GALNT18: variants seen among roughly 807,000 people sequenced by gnomAD.
GALNT18 encodes GalNAc-transferase 18.
GALNT18 carries 44 observed loss-of-function variants against 69.5 expected under a neutral mutation model. That is an observed-to-expected ratio of 0.63 (90% CI 0.50 to 0.81). The LOEUF is 0.81. GALNT18 is among the 40% of genes least tolerant of loss of function. The probability of loss-of-function intolerance (pLI) is 0.00; values close to 1 mark genes in which losing one functional copy is unlikely to be tolerated. For missense variants in GALNT18, 715 were observed against 810.0 expected, an observed-to-expected ratio of 0.88 and a Z score of 1.42; for synonymous variants, 364 against 318.2, an observed-to-expected ratio of 1.14 and a Z score of -1.53.
chr11:11,614,821 T>C lies in GALNT18; in HGVS notation c.235+6538A>G, dbSNP rs758042820. The stretch of plus-strand genomic sequence containing the variant: ...TTGAGATTCTCCACCAACCTACTTA[T>C]CAAGGGAAAATAACAATTTATGTCA... On this transcript the variant is annotated intron_variant, in intron 1 of 10. Coordinates refer to ENST00000227756, the MANE Select transcript of GALNT18 (RefSeq NM_198516.3). This position sits in a 1 kb window ranked among gnomAD's most constrained non-coding sequence, Gnocchi z 5.6. Among the ~76,000 whole-genome samples, 1 of 152,192 alleles carries C rather than the reference T, an allele frequency of 6.6e-6. No individual in the cohort carries two copies. The highest frequency in any genetic ancestry group is 1.5e-5 in the Non-Finnish European group (1 of 68,036).
chr11:11,425,826 G>A (rs1224373152), intron 3 of GALNT18, among the ~76,000 whole-genome samples: 1 of 152,216 alleles, frequency 6.6e-6, no homozygotes, highest in Admixed American at 6.5e-5. Context: ...AAAACCTGTT[G>A]AAGGACTGAA....
At chr11:11,323,707 T>G (rs1461965585) in intron 9 of GALNT18, among the ~76,000 whole-genome samples, 1 of 152,250 alleles carries the variant, frequency 6.6e-6, no homozygotes, top group African/African-American at 2.4e-5. Context: ...TATGGTCCTA[T>G]GTACTCCAAG....
chr11:11,532,363 G>A (rs2133943796), intron 1 of GALNT18, among the ~76,000 whole-genome samples: 1 of 152,302 alleles, frequency 6.6e-6, no homozygotes, highest in East Asian at 1.9e-4. Flanking sequence ...CCAGGGCTCA[G>A]AGTCTTCGGA....
intron 1 of GALNT18, among the ~76,000 whole-genome samples, chr11:11,473,040 G>A (rs1420240468): frequency 6.6e-6 from 1 of 151,966 alleles, no homozygotes; most frequent in Non-Finnish European, 1.5e-5. Flanking sequence ...GGAGGCAGGG[G>A]TGCCATCCAC....
At chr11:11,434,235 A>G (rs1443135503) in intron 2 of GALNT18, among the ~76,000 whole-genome samples, 4 of 152,164 alleles carry the variant, frequency 2.6e-5, no homozygotes, top group Non-Finnish European at 5.9e-5. Context: ...CTCTCGCCAG[A>G]GAGGAATGGG....
At chr11:11,342,615 C>T (rs1589921600) in intron 6 of GALNT18, among the ~76,000 whole-genome samples, 1 of 152,300 alleles carries the variant, frequency 6.6e-6, no homozygotes, top group East Asian at 1.9e-4. Context: ...GCTTGTTTTG[C>T]CTTGAGTTTA....
intron 1 of GALNT18, among the ~76,000 whole-genome samples, chr11:11,451,701 G>C (rs934744051): frequency 6.6e-6 from 1 of 152,220 alleles, no homozygotes; most frequent in African/African-American, 2.4e-5. Context: ...TGGACTGCCA[G>C]CTCCTAGCAC....
chr11:11,414,546 G>A (rs1389520569), intron 3 of GALNT18, among the ~76,000 whole-genome samples: 2 of 152,058 alleles, frequency 1.3e-5, no homozygotes, highest in Non-Finnish European at 2.9e-5. Context: ...AAGCTCAGAG[G>A]GGCCTTCTCC....
chr11:11,324,653 AT>A (rs35306479), intron 9 of GALNT18, among the ~76,000 whole-genome samples: 22,868 of 152,058 alleles, frequency 0.15, 1,896 homozygotes, highest in Non-Finnish European at 0.18. Context: ...TTCCCTGATG[AT>A]TAGTGATGTA....
chr11:11,502,407 G>A lies in GALNT18; in HGVS notation c.236-53471C>T, dbSNP rs145241777. Among the ~76,000 whole-genome samples the A allele has an allele frequency of 2.9e-3, 441 of 152,316 alleles. 2 individuals are homozygous for A. The highest frequency in any genetic ancestry group is 0.01 in the African/African-American group (428 of 41,574). ...AGAGGCCCTGGTTCCCTCTGGGGAA[G>A]GACTGCTCAGAAACACAGACAAGAG... On this transcript the variant is annotated intron_variant, in intron 1 of 10. Transcript: ENST00000227756.
Position 11,604,261 on chromosome 11 carries a change from C to T in GALNT18, c.235+17098G>A, listed in dbSNP as rs1044873784. On this transcript the variant is annotated intron_variant, in intron 1 of 10. Transcript: ENST00000227756. This position sits in a 1 kb window ranked among gnomAD's most constrained non-coding sequence, Gnocchi z 5.6. ...TTGGTTTGGTTAGTAAGTTAAAAATCCATTAAGAGCATTATTGAATGTCTT... is the reference window on the plus strand; with the variant it reads ...TTGGTTTGGTTAGTAAGTTAAAAATTCATTAAGAGCATTATTGAATGTCTT... Among the ~76,000 whole-genome samples, 25 of 152,212 alleles carry T rather than the reference C, an allele frequency of 1.6e-4. No individual in the cohort carries two copies. The highest frequency in any genetic ancestry group is 5.8e-4 in the African/African-American group (24 of 41,446).
chr11:11,556,311 T>G (rs767090899), intron 1 of GALNT18, among the ~76,000 whole-genome samples: 9 of 152,196 alleles, frequency 5.9e-5, no homozygotes, highest in Non-Finnish European at 7.3e-5. Context: ...TAGAATTGTA[T>G]AGAACACACC....
intron 1 of GALNT18, among the ~76,000 whole-genome samples, chr11:11,455,302 A>G (rs1443856627): frequency 6.6e-6 from 1 of 152,156 alleles, no homozygotes; most frequent in South Asian, 2.1e-4. Flanking sequence ...AAATATATAG[A>G]GAATGTAAAC....
chr11:11,361,227 A>T (rs1850638722), intron 6 of GALNT18, among the ~76,000 whole-genome samples: 1 of 152,226 alleles, frequency 6.6e-6, no homozygotes, highest in African/African-American at 2.4e-5. Flanking sequence ...CTTACTGAAG[A>T]CCACAACGCT....
chr11:11,555,738 C>A lies in GALNT18; in HGVS notation c.235+65621G>T, dbSNP rs964852303. 1.3e-5 allele frequency among the ~76,000 whole-genome samples: 2 copies of A among 152,182 alleles called. No individual in the cohort carries two copies. Among genetic ancestry groups the A allele is most frequent in the African/African-American group, 4.8e-5 (2 of 41,458 alleles). ...CCTGCAAGGGTGCACCTCCCTCAGCCAGAACCTCCTCAGATCAGGGGCCTC... is the reference window on the plus strand; with the variant it reads ...CCTGCAAGGGTGCACCTCCCTCAGCAAGAACCTCCTCAGATCAGGGGCCTC... On this transcript the variant is annotated intron_variant, in intron 1 of 10. Coordinates refer to ENST00000227756, the MANE Select transcript of GALNT18 (RefSeq NM_198516.3). This position sits in a 1 kb window ranked among gnomAD's most constrained non-coding sequence, Gnocchi z 4.7.
intron 9 of GALNT18, among the ~76,000 whole-genome samples, chr11:11,305,239 T>C (rs1188927510): frequency 6.6e-6 from 1 of 152,146 alleles, no homozygotes; most frequent in Non-Finnish European, 1.5e-5. Context: ...AGATGCAGAG[T>C]GTGCCTTTTT....
chr11:11,393,715 G>T (rs1854251195), intron 3 of GALNT18, among the ~76,000 whole-genome samples: 1 of 152,234 alleles, frequency 6.6e-6, no homozygotes, highest in Non-Finnish European at 1.5e-5. Context: ...CCCAGGAGCT[G>T]CCCTCCAAAG....
rs1462961022 is a variant in GALNT18, at chr11:11,523,494, T to C, written c.236-74558A>G. Among the ~76,000 whole-genome samples the C allele has an allele frequency of 1.3e-5, 2 of 151,584 alleles. No homozygotes were observed. Among genetic ancestry groups the C allele is most frequent in the Non-Finnish European group, 2.9e-5 (2 of 67,912 alleles). On this transcript the variant is annotated intron_variant, in intron 1 of 10. Transcript: ENST00000227756. The surrounding 1 kb of genome is among the most constrained non-coding windows in gnomAD (Gnocchi z 4.3). The stretch of plus-strand genomic sequence containing the variant: ...TGCCACTTTGGGAGGCTGAGGCGGG[T>C]GGATCATGAGGTCAGGAGATCGAGA...
intron 1 of GALNT18, among the ~76,000 whole-genome samples, chr11:11,569,118 G>A (rs569283616): frequency 6.6e-6 from 1 of 152,166 alleles, no homozygotes; most frequent in South Asian, 2.1e-4. Flanking sequence ...AACACCCAGA[G>A]GGCACCCAGT....
Sources: allele counts gnomAD v4.1 joint callset (sites outside exome capture counted in the v4.1 genomes callset), GRCh38; gene constraint gnomAD v4.1.1; non-coding constraint Gnocchi (gnomAD v3.1); transcripts MANE v1.5; gene names NCBI Gene and HGNC (gene_info 2026-07-23, HGNC 2026-07-21).